Variants in ATP9A observed in about 807,000 individuals in gnomAD.
The protein encoded by ATP9A is ATPase phospholipid transporting 9A.
In ATP9A, 52 loss-of-function variants were observed where a neutral mutation model predicts 144.1. The observed-to-expected ratio is 0.36, with a 90% CI of 0.29 to 0.45. The LOEUF (loss-of-function observed/expected upper bound fraction) is 0.45, where lower values mean the gene tolerates loss of function less well. ATP9A is among the 20% of genes least tolerant of loss of function. The pLI is 1.00. For synonymous variants in ATP9A, 582 were observed against 557.4 expected (o/e 1.04, Z -0.62); for missense variants, 947 against 1,392.7 (o/e 0.68, Z 5.09).
intron 4 of ATP9A, among the ~76,000 whole-genome samples, chr20:51,700,633 C>A (rs1393709508): frequency 6.6e-6 from 1 of 152,164 alleles, no homozygotes; most frequent in Non-Finnish European, 1.5e-5. Flanking sequence ...GAGTTTGAGA[C>A]CAGCCTGACC....
chr20:51,642,603 G>A (rs1204597145), intron 14 of ATP9A, among the ~76,000 whole-genome samples: 1 of 151,784 alleles, frequency 6.6e-6, no homozygotes, highest in Non-Finnish European at 1.5e-5. Flanking sequence ...GGGAGCACCT[G>A]TAGTCCCAGC....
chr20:51,737,057 A>C (rs921077704), intron 1 of ATP9A, among the ~76,000 whole-genome samples: 35 of 152,226 alleles, frequency 2.3e-4, no homozygotes, highest in African/African-American at 6.0e-4. Context: ...CAGAGGACTC[A>C]GTGACCTGCC....
chr20:51,619,031 C>G lies in ATP9A; in HGVS notation c.2128G>C (p.Gly710Arg). ...IHVFRLVTNRGEAHLELNAFR... is the reference protein window; with the variant it reads ...IHVFRLVTNRREAHLELNAFR... ...GCGTTCAGCTCGAGGTGAGCCTCCC[C>G]GCGGTTGGTCACCTGGAAGGGAACA... Residue 710 changes from glycine (G) to arginine (R), a missense_variant, in exon 20 of 28, where the codon GGG becomes CGG. Around this residue, in one of 2 missense-constraint regions of ATP9A, gnomAD observed 770 missense variants for 1,047.9 expected, o/e 0.73. Coordinates refer to ENST00000338821, the MANE Select transcript of ATP9A (RefSeq NM_006045.3). 1 of 1,614,048 alleles carries G rather than the reference C, an allele frequency of 6.2e-7. No individual in the cohort carries two copies. The highest frequency in any genetic ancestry group is 8.5e-7 in the Non-Finnish European group (1 of 1,179,970).
intron 27 of ATP9A, among the ~76,000 whole-genome samples, chr20:51,604,313 C>T (rs534277572): frequency 1.2e-4 from 19 of 152,282 alleles, no homozygotes; most frequent in African/African-American, 4.3e-4. Flanking sequence ...CGAGTACCTT[C>T]AGCACTTGGT....
At chr20:51,606,203 G>A (rs1201480492) in intron 26 of ATP9A, among the ~76,000 whole-genome samples, 1 of 152,084 alleles carries the variant, frequency 6.6e-6, no homozygotes, top group Non-Finnish European at 1.5e-5. Flanking sequence ...GTTGCAGTGA[G>A]CCAAAATGGC....
intron 1 of ATP9A, among the ~76,000 whole-genome samples, chr20:51,752,674 G>A (rs1047670141): frequency 3.3e-5 from 5 of 152,208 alleles, no homozygotes; most frequent in Admixed American, 1.3e-4. Flanking sequence ...ACACAAAACT[G>A]CATTTTTGAG....
chr20:51,633,019 G>A (rs2077275939), intron 15 of ATP9A, among the ~76,000 whole-genome samples: 2 of 152,118 alleles, frequency 1.3e-5, no homozygotes, highest in African/African-American at 4.8e-5. Flanking sequence ...AGCTACTCAG[G>A]AGGCTGAGGC....
chr20:51,614,431 G>C (rs1296374323), intron 22 of ATP9A, among the ~76,000 whole-genome samples: 2 of 152,134 alleles, frequency 1.3e-5, no homozygotes, highest in Non-Finnish European at 2.9e-5. Context: ...CTCCTGAGCA[G>C]CTGGGAGCAC....
intron 3 of ATP9A, among the ~76,000 whole-genome samples, chr20:51,717,325 T>C (rs2077666754): frequency 6.6e-6 from 1 of 152,062 alleles, no homozygotes; most frequent in African/African-American, 2.4e-5. Flanking sequence ...GAACTGAAAA[T>C]TGACTCTCTA....
At chr20:51,639,623 C>A in intron 14 of ATP9A, 119 bp from the exon 15 acceptor site, 4 of 1,064,738 alleles carry the variant, frequency 3.8e-6, no homozygotes, top group South Asian at 3.4e-5. Context: ...GTAGTCACTG[C>A]CCTTAGGGAC....
intron 4 of ATP9A, among the ~76,000 whole-genome samples, chr20:51,711,405 A>C (rs1343567698): frequency 6.6e-6 from 1 of 152,208 alleles, no homozygotes; most frequent in Non-Finnish European, 1.5e-5. Context: ...CCATGGATGG[A>C]CTGCTTCCTT....
At chr20:51,700,623 G>T (rs1462582753) in intron 4 of ATP9A, among the ~76,000 whole-genome samples, 1 of 152,200 alleles carries the variant, frequency 6.6e-6, no homozygotes. Flanking sequence ...CTGAGGTCAG[G>T]AGTTTGAGAC....
intron 27 of ATP9A, among the ~76,000 whole-genome samples, chr20:51,604,304 G>A (rs752211640): frequency 1.3e-5 from 2 of 152,128 alleles, no homozygotes; most frequent in Non-Finnish European, 2.9e-5. Flanking sequence ...CGGAACTGGC[G>A]AGTACCTTCA....
At chr20:51,763,186 G>A (rs938137993) in intron 1 of ATP9A, among the ~76,000 whole-genome samples, 1 of 152,156 alleles carries the variant, frequency 6.6e-6, no homozygotes, top group African/African-American at 2.4e-5. Context: ...ACTGGGGCAA[G>A]GGCAGGGATG....
chr20:51,618,901 G>C, intron 20 of ATP9A, 53 bp downstream of exon 20: 2 of 1,604,424 alleles, frequency 1.2e-6, no homozygotes, highest in Non-Finnish European at 1.7e-6. Context: ...TGCCGAAGCC[G>C]GGTAAGACCC....
intron 16 of ATP9A, among the ~76,000 whole-genome samples, chr20:51,628,068 C>T (rs1193575771): frequency 6.6e-6 from 1 of 152,160 alleles, no homozygotes; most frequent in Non-Finnish European, 1.5e-5. Flanking sequence ...GTGGCCTCCA[C>T]GTGTTCCCAG....
rs746874247 is a variant in ATP9A, at chr20:51,658,888, C to CGGT, written c.1294-1739_1294-1738insACC. On this transcript the variant is annotated intron_variant, in intron 13 of 27. Coordinates refer to ENST00000338821, the MANE Select transcript of ATP9A (RefSeq NM_006045.3). Reference sequence around the variant, plus strand: ...ATATAATGAAAATTAAGACCACTGGCGGGGGGGGGGGGGGGAAGGCTCATT... The same window carrying CGGT: ...ATATAATGAAAATTAAGACCACTGGCGGTGGGGGGGGGGGGGGGAAGGCTCATT... Among the ~76,000 whole-genome samples the CGGT allele has an allele frequency of 1.6e-3, 88 of 54,806 alleles. 17 individuals are homozygous for CGGT. Among genetic ancestry groups the CGGT allele is most frequent in the East Asian group, 6.8e-3 (2 of 292 alleles). The allele number at this position is 54,806 out of a possible 152,430, so 36.0% of individuals were successfully genotyped here.
chr20:51,736,840 T>C (rs1169326264), intron 1 of ATP9A, among the ~76,000 whole-genome samples: 1 of 150,864 alleles, frequency 6.6e-6, no homozygotes, highest in African/African-American at 2.4e-5. Context: ...GGCAAGACTA[T>C]AGAGCAGTCC....
chr20:51,737,104 A>C (rs998123607), intron 1 of ATP9A, among the ~76,000 whole-genome samples: 4 of 152,118 alleles, frequency 2.6e-5, no homozygotes, highest in African/African-American at 9.7e-5. Context: ...TCTCCTACTA[A>C]CGGGTAGAAG....
Sources: gnomAD v4.1 joint callset for allele counts (sites outside exome capture counted in the v4.1 genomes callset) on GRCh38, gnomAD v4.1.1 for gene constraint, gnomAD v4.1.1 regional missense constraint, MANE v1.5 for transcripts, NCBI Gene and HGNC (gene_info 2026-07-23, HGNC 2026-07-21) for gene names.